Variants in PTPRD observed in about 807,000 individuals in gnomAD.
PTPRD encodes receptor-type tyrosine-protein phosphatase delta.
Under a neutral mutation model 214.5 loss-of-function variants are expected in PTPRD, and 34 were observed. The observed-to-expected ratio is 0.16, with a 90% CI of 0.12 to 0.21. PTPRD has a LOEUF of 0.21. PTPRD is among the 10% of genes least tolerant of loss of function. The probability of loss-of-function intolerance (pLI) is 1.00; values close to 1 mark genes in which losing one functional copy is unlikely to be tolerated. For missense variants in PTPRD, 2,545 were observed against 2,398.7 expected, an observed-to-expected ratio of 1.06 and a Z score of -1.27; for synonymous variants, 1,128 against 845.7, an observed-to-expected ratio of 1.33 and a Z score of -5.79.
rs1555388978 is a variant in PTPRD, at chr9:9,954,297, C to CCAAAAAA, written c.-471-15688_-471-15687insTTTTTTG. On this transcript the variant is annotated intron_variant, in intron 4 of 45. Transcript: ENST00000381196. Reference sequence around the variant, plus strand: ...GACAGATTGAGACTCTGTCTCAAAACAAAAAAAAAAAAAAAAAAAAAAAAA... The same window carrying CCAAAAAA: ...GACAGATTGAGACTCTGTCTCAAAACCAAAAAAAAAAAAAAAAAAAAAAAAAAAAAAA... Among the ~76,000 whole-genome samples, 11 of 53,776 alleles carry CCAAAAAA rather than the reference C, an allele frequency of 2.0e-4. 1 individual carries two copies. The highest frequency in any genetic ancestry group is 5.1e-4 in the African/African-American group (10 of 19,464). 35.3% of individuals were successfully genotyped at this position (53,776 alleles called of 152,430 possible).
intron 11 of PTPRD, among the ~76,000 whole-genome samples, chr9:8,988,622 A>G (rs1391673244): frequency 6.6e-6 from 1 of 152,076 alleles, no homozygotes; most frequent in East Asian, 1.9e-4. Context: ...TCTTCTATTA[A>G]TTTACATAGA....
intron 2 of PTPRD, among the ~76,000 whole-genome samples, chr9:10,451,558 G>A (rs74652713): frequency 0.047 from 7,146 of 151,540 alleles, 231 homozygotes; most frequent in South Asian, 0.092. Flanking sequence ...GTAATCGGAT[G>A]ATTAAAATAC....
At chr9:8,378,958 C>T (rs950200085) in intron 37 of PTPRD, among the ~76,000 whole-genome samples, 1 of 151,958 alleles carries the variant, frequency 6.6e-6, no homozygotes, top group African/African-American at 2.4e-5. Flanking sequence ...AAGTTTCAAA[C>T]TGCAACTATT....
intron 6 of PTPRD, among the ~76,000 whole-genome samples, chr9:9,750,616 G>A (rs942661193): frequency 6.6e-6 from 1 of 152,102 alleles, no homozygotes; most frequent in Non-Finnish European, 1.5e-5. Flanking sequence ...ACAGAGGTTT[G>A]CACTAGGGGT....
chr9:9,580,407 T>G lies in PTPRD; in HGVS notation c.-286-5626A>C, dbSNP rs191187559. Among the ~76,000 whole-genome samples, 294 of 152,274 alleles carry G rather than the reference T, an allele frequency of 1.9e-3. 2 individuals carry two copies. The highest frequency in any genetic ancestry group is 2.6e-3 in the Non-Finnish European group (175 of 68,018). On this transcript the variant is annotated intron_variant, in intron 7 of 45. Coordinates refer to ENST00000381196, the MANE Select transcript of PTPRD (RefSeq NM_002839.4). Reference sequence around the variant, plus strand: ...TTGTTAATAGCCATTCTGATTGATGTAAGATGATATGACATTGTAATTTTA... The same window carrying G: ...TTGTTAATAGCCATTCTGATTGATGGAAGATGATATGACATTGTAATTTTA...
At chr9:10,103,379 A>T (rs1006644787) in intron 3 of PTPRD, among the ~76,000 whole-genome samples, 6 of 134,386 alleles carry the variant, frequency 4.5e-5, no homozygotes, top group East Asian at 2.3e-4. Context: ...ACTGCATATT[A>T]TATATATATA....
At chr9:9,944,634 C>T (rs2092273709) in intron 4 of PTPRD, among the ~76,000 whole-genome samples, 1 of 151,524 alleles carries the variant, frequency 6.6e-6, no homozygotes, top group East Asian at 1.9e-4. Context: ...AAGAATAGGC[C>T]ACATGAAGAG....
intron 11 of PTPRD, among the ~76,000 whole-genome samples, chr9:8,900,975 A>G (rs1057074337): frequency 3.9e-5 from 6 of 152,194 alleles, no homozygotes; most frequent in African/African-American, 1.4e-4. Context: ...AAGTACAGGT[A>G]AGTACATGAT....
intron 9 of PTPRD, among the ~76,000 whole-genome samples, chr9:9,359,283 G>A (rs1207854986): frequency 6.6e-6 from 1 of 151,206 alleles, no homozygotes; most frequent in Non-Finnish European, 1.5e-5. Flanking sequence ...GTGGCTTTGG[G>A]CTATTTTTAT....
At chr9:10,546,137 T>C (rs2086203488) in intron 2 of PTPRD, among the ~76,000 whole-genome samples, 1 of 152,118 alleles carries the variant, frequency 6.6e-6, no homozygotes, top group Non-Finnish European at 1.5e-5. Flanking sequence ...TAGTGAGGGA[T>C]AGTATTGGCC....
At chr9:9,888,637 T>C (rs1485754747) in intron 5 of PTPRD, among the ~76,000 whole-genome samples, 1 of 152,100 alleles carries the variant, frequency 6.6e-6, no homozygotes, top group East Asian at 1.9e-4. Context: ...TGATGCCTGC[T>C]CTCCTTTACC....
chr9:10,432,639 A>G (rs2098690659), intron 2 of PTPRD, among the ~76,000 whole-genome samples: 2 of 151,940 alleles, frequency 1.3e-5, no homozygotes, highest in Admixed American at 1.3e-4. Context: ...GCCCAGTATT[A>G]CAACCTGATC....
chr9:10,191,962 T>C (rs1432401825), intron 3 of PTPRD, among the ~76,000 whole-genome samples: 3 of 152,166 alleles, frequency 2.0e-5, no homozygotes, highest in Non-Finnish European at 4.4e-5. Flanking sequence ...CTGATGATGG[T>C]GGTTAGCAAA....
chr9:9,661,563 T>TA (rs1279170278), intron 7 of PTPRD, among the ~76,000 whole-genome samples: 1 of 151,842 alleles, frequency 6.6e-6, no homozygotes, highest in Non-Finnish European at 1.5e-5. Flanking sequence ...ACTCTACCTA[T>TA]ACAGAATTTT....
chr9:8,603,311 GC>G (rs1339123112), intron 14 of PTPRD, among the ~76,000 whole-genome samples: 1 of 152,070 alleles, frequency 6.6e-6, no homozygotes, highest in East Asian at 1.9e-4. Flanking sequence ...TATTGTAATT[GC>G]AAAAGAAAAA....
chr9:10,004,973 T>C (rs1041255411), intron 4 of PTPRD, among the ~76,000 whole-genome samples: 1 of 152,182 alleles, frequency 6.6e-6, no homozygotes, highest in African/African-American at 2.4e-5. Flanking sequence ...GTAGTCCAAC[T>C]GTAAATGCTA....
chr9:10,604,056 T>A (rs1465983293), intron 2 of PTPRD, among the ~76,000 whole-genome samples: 1 of 151,618 alleles, frequency 6.6e-6, no homozygotes, highest in Admixed American at 6.6e-5. Context: ...TAGCTCCCTA[T>A]GAAGTTAAAA....
intron 8 of PTPRD, among the ~76,000 whole-genome samples, chr9:9,540,353 A>T (rs1327534954): frequency 2.0e-5 from 3 of 151,834 alleles, no homozygotes; most frequent in South Asian, 4.1e-4. Flanking sequence ...CCTGGAGATC[A>T]TGGTGTAGTA....
chr9:10,080,325 T>G (rs16931027), intron 3 of PTPRD, among the ~76,000 whole-genome samples: 4,650 of 152,082 alleles, frequency 0.031, 227 homozygotes, highest in African/African-American at 0.11. Context: ...GAGGACAAAA[T>G]GCTGTATCTC....
Sources: allele counts gnomAD v4.1 joint callset (sites outside exome capture counted in the v4.1 genomes callset), GRCh38; gene constraint gnomAD v4.1.1; transcripts MANE v1.5; gene names NCBI Gene and HGNC (gene_info 2026-07-23, HGNC 2026-07-21).